CAMK1D: variants seen among roughly 807,000 people sequenced by gnomAD.
The protein encoded by CAMK1D is calcium/calmodulin-dependent protein kinase type 1D.
CAMK1D carries 9 observed loss-of-function variants against 47.7 expected under a neutral mutation model. That is an observed-to-expected ratio of 0.19 (90% CI 0.11 to 0.33). CAMK1D has a LOEUF of 0.33. Among genes scored for constraint, CAMK1D ranks in the 10% least tolerant of loss-of-function variants. The probability of loss-of-function intolerance (pLI) is 1.00; values close to 1 mark genes in which losing one functional copy is unlikely to be tolerated. For synonymous variants in CAMK1D, 184 were observed against 184.9 expected, an observed-to-expected ratio of 0.99 and a Z score of 0.04; for missense variants, 291 against 488.7, an observed-to-expected ratio of 0.60 and a Z score of 3.81.
At chr10:12,684,941 C>T (rs1047446437) in intron 3 of CAMK1D, among the ~76,000 whole-genome samples, 14 of 152,214 alleles carry the variant, frequency 9.2e-5, no homozygotes, top group Non-Finnish European at 1.6e-4. Flanking sequence ...CCTGAGAGTT[C>T]AACAAGGTCT....
At chr10:12,471,110 C>T (rs952885789) in intron 1 of CAMK1D, among the ~76,000 whole-genome samples, 2 of 152,040 alleles carry the variant, frequency 1.3e-5, no homozygotes, top group African/African-American at 4.8e-5. Context: ...TTCTTGTGTG[C>T]CTGTATCTGT....
chr10:12,470,251 G>A (rs1833705568), intron 1 of CAMK1D, among the ~76,000 whole-genome samples: 1 of 152,152 alleles, frequency 6.6e-6, no homozygotes, highest in Non-Finnish European at 1.5e-5. Context: ...AGGAAAGTGT[G>A]CCATGCCATT....
chr10:12,430,620 C>T (rs1041408689), intron 1 of CAMK1D, among the ~76,000 whole-genome samples: 4 of 152,166 alleles, frequency 2.6e-5, no homozygotes, highest in African/African-American at 7.2e-5. Context: ...AGGCTGTGAA[C>T]GACCACACGC....
rs149458817 is a variant in CAMK1D, at chr10:12,364,502, C to T, written c.92+14592C>T. Among the ~76,000 whole-genome samples the T allele has an allele frequency of 1.8e-3, 269 of 152,052 alleles. 1 individual carries two copies. The highest frequency in any genetic ancestry group is 3.4e-3 in the Middle Eastern group (1 of 292). On this transcript the variant is annotated intron_variant, in intron 1 of 10. Coordinates refer to ENST00000619168, the MANE Select transcript of CAMK1D (RefSeq NM_153498.4). ...AGGTGATCCGCCCACCTAGGCCTCC[C>T]GAAGTACTAGGATTACAGGCCTGAG...
At chr10:12,804,807 G>A (rs1337352456) in intron 6 of CAMK1D, among the ~76,000 whole-genome samples, 1 of 150,306 alleles carries the variant, frequency 6.7e-6, no homozygotes, top group Non-Finnish European at 1.5e-5. Flanking sequence ...GTATGGTGGT[G>A]CACGCCTGTG....
chr10:12,485,150 C>T (rs1373523643), intron 1 of CAMK1D, among the ~76,000 whole-genome samples: 4 of 152,312 alleles, frequency 2.6e-5, no homozygotes, highest in Admixed American at 2.6e-4. Flanking sequence ...AAATAGAATG[C>T]ATTAGTAAGT....
At chr10:12,815,940 A>G (rs1832775723) in intron 7 of CAMK1D, among the ~76,000 whole-genome samples, 2 of 152,270 alleles carry the variant, frequency 1.3e-5, no homozygotes, top group African/African-American at 4.8e-5. Flanking sequence ...TTAGAGGCAC[A>G]TGATAACAAA....
At chr10:12,547,735 A>G (rs1378878751) in intron 1 of CAMK1D, among the ~76,000 whole-genome samples, 1 of 142,032 alleles carries the variant, frequency 7.0e-6, no homozygotes, top group Non-Finnish European at 1.5e-5. Context: ...AAAGTGCTCA[A>G]ACTGTTCATT....
intron 1 of CAMK1D, among the ~76,000 whole-genome samples, chr10:12,403,389 C>T (rs948054150): frequency 1.3e-5 from 2 of 152,154 alleles, no homozygotes; most frequent in African/African-American, 4.8e-5. Context: ...CGCTCCGTGC[C>T]CACCTGTCTT....
chr10:12,545,981 G>C (rs753859787), intron 1 of CAMK1D, among the ~76,000 whole-genome samples: 2 of 152,134 alleles, frequency 1.3e-5, no homozygotes, highest in Non-Finnish European at 2.9e-5. Context: ...TGTGTACGGC[G>C]TGGAGTGTTT....
intron 2 of CAMK1D, among the ~76,000 whole-genome samples, chr10:12,564,751 G>C (rs1310905055): frequency 6.6e-6 from 1 of 152,120 alleles, no homozygotes; most frequent in Non-Finnish European, 1.5e-5. Flanking sequence ...TATCACTTGG[G>C]ATACAAACAC....
chr10:12,392,070 A>C (rs1838754855), intron 1 of CAMK1D, among the ~76,000 whole-genome samples: 1 of 151,644 alleles, frequency 6.6e-6, no homozygotes, highest in South Asian at 2.1e-4. Context: ...TTGGGAGGCC[A>C]AGGTGGTGGA....
intron 2 of CAMK1D, among the ~76,000 whole-genome samples, chr10:12,630,698 C>T (rs939175857): frequency 6.6e-6 from 1 of 152,174 alleles, no homozygotes; most frequent in African/African-American, 2.4e-5. Flanking sequence ...TGCTGGGATT[C>T]GAGGCGTGAG....
intron 1 of CAMK1D, among the ~76,000 whole-genome samples, chr10:12,439,923 C>A (rs1487800937): frequency 6.6e-6 from 1 of 152,162 alleles, no homozygotes; most frequent in Non-Finnish European, 1.5e-5. Context: ...GAATGAGAAC[C>A]AGGTGAAAAC....
intron 2 of CAMK1D, 69 bp downstream of exon 2, chr10:12,553,425 C>G (rs1836654259): frequency 7.4e-7 from 1 of 1,359,852 alleles, no homozygotes; most frequent in South Asian, 1.2e-5. Context: ...GGAGTCCTGC[C>G]CCGGAGGCAG....
In CAMK1D at chr10:12,816,451, T is replaced by C; in HGVS notation, c.833+123T>C. 6 of 772,414 alleles carry C rather than the reference T, an allele frequency of 7.8e-6. No individual in the cohort carries two copies. In the South Asian group the frequency reaches 1.1e-4, roughly 14 times the overall value. 47.8% of individuals were successfully genotyped at this position (772,414 alleles called of 1,614,324 possible). Reference sequence around the variant, plus strand: ...CAGGATTATTACAAATTTCATCTCATTCTGGCCAGTGACTTTCCTCCTCTC... The same window carrying C: ...CAGGATTATTACAAATTTCATCTCACTCTGGCCAGTGACTTTCCTCCTCTC... On this transcript the variant is annotated intron_variant, in intron 8 of 10. Transcript: ENST00000619168.
At chr10:12,787,126 GAA>G (rs754756541) in intron 5 of CAMK1D, among the ~76,000 whole-genome samples, 4 of 45,750 alleles carry the variant, frequency 8.7e-5, no homozygotes, top group Non-Finnish European at 1.3e-4. Context: ...CCTTCTCAAA[GAA>G]AAAAAAGAAG....
At chr10:12,512,691 G>A (rs1325945251) in intron 1 of CAMK1D, among the ~76,000 whole-genome samples, 1 of 152,196 alleles carries the variant, frequency 6.6e-6, no homozygotes, top group Non-Finnish European at 1.5e-5. Context: ...AAGCCTGGGA[G>A]TGTGGCACAG....
chr10:12,583,217 T>C (rs187448956), intron 2 of CAMK1D, among the ~76,000 whole-genome samples: 1 of 152,114 alleles, frequency 6.6e-6, no homozygotes, highest in African/African-American at 2.4e-5. Flanking sequence ...ACAGGGACAG[T>C]TGTAGCTCTA....
Sources: allele counts gnomAD v4.1 joint callset (sites outside exome capture counted in the v4.1 genomes callset), GRCh38; gene constraint gnomAD v4.1.1; transcripts MANE v1.5; gene names NCBI Gene and HGNC (gene_info 2026-07-23, HGNC 2026-07-21).